Variants in AKAP13 observed in about 807,000 individuals in gnomAD.
The protein encoded by AKAP13 is A-kinase anchoring protein 13.
Under a neutral mutation model 264.5 loss-of-function variants are expected in AKAP13, and 80 were observed. The observed-to-expected ratio is 0.30, with a 90% CI of 0.25 to 0.36. The LOEUF is 0.36. AKAP13 is among the 10% of genes least tolerant of loss of function. The pLI, the probability that AKAP13 is intolerant of heterozygous loss-of-function variation, is 1.00. For missense variants in AKAP13, 3,712 were observed against 3,435.2 expected (o/e 1.08, Z -2.01); for synonymous variants, 1,380 against 1,250.2 (o/e 1.10, Z -2.19).
chr15:85,677,403 C>T lies in AKAP13; in HGVS notation c.5102-4755C>T, dbSNP rs191045784. On this transcript the variant is annotated intron_variant, in intron 14 of 36. Coordinates refer to ENST00000394518, the MANE Select transcript of AKAP13 (RefSeq NM_007200.5). ...GTTCCCATCCCATTGTGTACTCTTT[C>T]TAATAATACTGTATGCTAATTTCAC... Among the ~76,000 whole-genome samples, 3 of 152,252 alleles carry T rather than the reference C, an allele frequency of 2.0e-5. No individual in the cohort carries two copies. In the East Asian group the frequency reaches 5.8e-4, roughly 29 times the overall value.
At chr15:85,477,947 A>G (rs1387893829) in intron 1 of AKAP13, among the ~76,000 whole-genome samples, 1 of 152,076 alleles carries the variant, frequency 6.6e-6, no homozygotes, top group Non-Finnish European at 1.5e-5. Context: ...CTGTGCTGTC[A>G]TATCTGGCGC....
At chr15:85,386,085 A>G (rs1989713) in intron 1 of AKAP13, among the ~76,000 whole-genome samples, 78,469 of 151,984 alleles carry the variant, frequency 0.52, 20,722 homozygotes, top group Admixed American at 0.59. Flanking sequence ...TCGGCCTCCC[A>G]AAGTGCTGGG....
chr15:85,491,142 A>G (rs1406137951), intron 2 of AKAP13, among the ~76,000 whole-genome samples: 4 of 152,042 alleles, frequency 2.6e-5, no homozygotes, highest in Non-Finnish European at 1.5e-5. Context: ...TAGGGAGGAG[A>G]TGAGGAAGAA....
chr15:85,736,303 CCT>C (rs1445046021), intron 33 of AKAP13, among the ~76,000 whole-genome samples, 169 bp downstream of exon 33: 3 of 152,112 alleles, frequency 2.0e-5, no homozygotes, highest in Admixed American at 6.5e-5. Context: ...TGGCCTTTCC[CCT>C]GTCTTTGGTC....
chr15:85,552,397 A>T (rs1430995794), intron 5 of AKAP13, among the ~76,000 whole-genome samples: 1 of 152,240 alleles, frequency 6.6e-6, no homozygotes, highest in Non-Finnish European at 1.5e-5. Flanking sequence ...AAAATCTTTT[A>T]GCTGCTGAAA....
intron 1 of AKAP13, among the ~76,000 whole-genome samples, chr15:85,468,597 A>G (rs920673372): frequency 2.0e-5 from 3 of 152,190 alleles, no homozygotes; most frequent in Non-Finnish European, 4.4e-5. Flanking sequence ...TCACTTTCAG[A>G]TATTTTGTTC....
intron 17 of AKAP13, 24 bp downstream of exon 17, chr15:85,693,475 C>A: frequency 6.2e-7 from 1 of 1,608,294 alleles, no homozygotes; most frequent in South Asian, 1.1e-5. Context: ...TTCTTCCTCT[C>A]GTAAGATGGA....
rs566132252 is a variant in AKAP13, at chr15:85,455,619, C to T, written c.-11-30091C>T. ...TTCAGACACAGTGTTTTTAGTTTTCCTTAGTCTCTGTTACCAATCCCTTGG... is the reference window on the plus strand; with the variant it reads ...TTCAGACACAGTGTTTTTAGTTTTCTTTAGTCTCTGTTACCAATCCCTTGG... On this transcript the variant is annotated intron_variant, in intron 1 of 36. Coordinates refer to ENST00000394518, the MANE Select transcript of AKAP13 (RefSeq NM_007200.5). Among the ~76,000 whole-genome samples the T allele has an allele frequency of 4.6e-5, 7 of 151,956 alleles. No individual in the cohort carries two copies. The South Asian group carries it at 1.5e-3, about 32-fold the overall frequency.
chr15:85,390,231 T>C (rs1179892459), intron 1 of AKAP13, among the ~76,000 whole-genome samples: 3 of 152,098 alleles, frequency 2.0e-5, no homozygotes, highest in Admixed American at 2.0e-4. Flanking sequence ...AATAAACGAG[T>C]GAACAAACAA....
rs535143702 is a variant in AKAP13, at chr15:85,668,803, C to T, written c.4993-919C>T. Among the ~76,000 whole-genome samples the T allele has an allele frequency of 5.3e-5, 8 of 152,118 alleles. No individual in the cohort carries two copies. The East Asian group carries it at 5.8e-4, about 11-fold the overall frequency. ...CCAAAAATACAAAAAATTAGCTGGGCGTGGTGGTGCACCCCTGTAATCCCA... is the reference window on the plus strand; with the variant it reads ...CCAAAAATACAAAAAATTAGCTGGGTGTGGTGGTGCACCCCTGTAATCCCA... On this transcript the variant is annotated intron_variant, in intron 13 of 36. Coordinates refer to ENST00000394518, the MANE Select transcript of AKAP13 (RefSeq NM_007200.5).
Position 85,655,599 on chromosome 15 carries a change from G to A in AKAP13, c.4557G>A (p.Glu1519=). 2 of 1,613,562 alleles carry A rather than the reference G, an allele frequency of 1.2e-6. No homozygotes were observed. Among genetic ancestry groups the A allele is most frequent in the African/African-American group, 1.3e-5 (1 of 75,042 alleles). Residue 1519 remains glutamate (E), a synonymous_variant, in exon 11 of 37, where the codon GAG becomes GAA. Transcript: ENST00000394518. The part of the protein sequence containing the change: ...DGFYSHGMGA[E]GRESESEPAD... ...TCTACAGCCATGGGATGGGAGCTGAGGGTCGAGAAAGTGAGAGTGAGCCTG... is the reference window on the plus strand; with the variant it reads ...TCTACAGCCATGGGATGGGAGCTGAAGGTCGAGAAAGTGAGAGTGAGCCTG...
chr15:85,462,942 T>C (rs1596258969), intron 1 of AKAP13, among the ~76,000 whole-genome samples: 1 of 135,734 alleles, frequency 7.4e-6, no homozygotes, highest in Middle Eastern at 4.4e-3. Flanking sequence ...GAGAATGGCG[T>C]GAACCCGGGA....
intron 27 of AKAP13, chr15:85,726,855 T>A (rs931547437): frequency 3.3e-6 from 2 of 600,354 alleles, no homozygotes; most frequent in African/African-American, 3.7e-5. Flanking sequence ...CTGGAACCTT[T>A]AGAGCCATAA....
chr15:85,539,468 A>G (rs934766845), intron 4 of AKAP13, among the ~76,000 whole-genome samples: 1 of 152,210 alleles, frequency 6.6e-6, no homozygotes, highest in Non-Finnish European at 1.5e-5. Context: ...TTGGAATCAT[A>G]GGTATAGATT....
rs150063917 is a variant in AKAP13, at chr15:85,576,017, A to G, written c.861+688A>G. On this transcript the variant is annotated intron_variant, in intron 6 of 36. Transcript: ENST00000394518. The stretch of plus-strand genomic sequence containing the variant: ...AGAAAAAGAAGGACTTTCCCCAAAG[A>G]TTCTGAGACCTGTAAAGCAGTATTA... Among the ~76,000 whole-genome samples the G allele has an allele frequency of 1.8e-4, 28 of 152,336 alleles. No individual in the cohort carries two copies. The East Asian group carries it at 3.7e-3, about 20-fold the overall frequency.
At chr15:85,387,588 G>A (rs780204385) in intron 1 of AKAP13, among the ~76,000 whole-genome samples, 1 of 152,120 alleles carries the variant, frequency 6.6e-6, no homozygotes, top group Non-Finnish European at 1.5e-5. Context: ...GCCTCCCAAA[G>A]TGTAGGGATT....
At chr15:85,427,760 T>TCC (rs2072861512) in intron 1 of AKAP13, among the ~76,000 whole-genome samples, 1 of 152,228 alleles carries the variant, frequency 6.6e-6, no homozygotes, top group African/African-American at 2.4e-5. Context: ...AGTCTTGGTT[T>TCC]AAGTGGAGCT....
Position 85,575,142 on chromosome 15 carries a change from G to C in AKAP13, c.674G>C (p.Gly225Ala), listed in dbSNP as rs1253263414. 4 of 1,613,936 alleles carry C rather than the reference G, an allele frequency of 2.5e-6. No homozygotes were observed. In the African/African-American group the frequency reaches 5.3e-5, roughly 22 times the overall value. The change falls in exon 6 of 37, where the codon GGA becomes GCA. Residue 225 changes from glycine (G) to alanine (A), a missense_variant. Physicochemically the swap from Gly to Ala is moderately conservative, Grantham distance 60 (BLOSUM62 0). Coordinates refer to ENST00000394518, the MANE Select transcript of AKAP13 (RefSeq NM_007200.5). The stretch of plus-strand genomic sequence containing the variant: ...ATGCTTGCATGTAGGGAGAATGCTG[G>C]AGAACCAGACTCCTGGAGCAGTTTA... ...LHQLLTEENA[G>A]EPDSWSSLSY... is the part of the protein sequence containing the mutation.
chr15:85,617,750 A>G (rs780974486), intron 8 of AKAP13, among the ~76,000 whole-genome samples: 1 of 152,218 alleles, frequency 6.6e-6, no homozygotes, highest in African/African-American at 2.4e-5. Flanking sequence ...GAAAGCTTTT[A>G]CAGAAAAGAT....
Sources: allele counts gnomAD v4.1 joint callset (sites outside exome capture counted in the v4.1 genomes callset), GRCh38; gene constraint gnomAD v4.1.1; transcripts MANE v1.5; gene names NCBI Gene and HGNC (gene_info 2026-07-23, HGNC 2026-07-21).